TRAPPC9: variants seen among roughly 807,000 people sequenced by gnomAD.
The protein encoded by TRAPPC9 is IKK2 binding protein.
Under a neutral mutation model 124.0 loss-of-function variants are expected in TRAPPC9, and 83 were observed. That is an observed-to-expected ratio of 0.67 (90% confidence interval 0.56 to 0.80). The LOEUF is 0.80. Among genes scored for constraint, TRAPPC9 ranks in the 30% least tolerant of loss-of-function variants. The probability of loss-of-function intolerance (pLI) is 0.00; values close to 1 mark genes in which losing one functional copy is unlikely to be tolerated. For synonymous variants in TRAPPC9, 638 were observed against 617.5 expected (o/e 1.03, Z -0.49); for missense variants, 1,302 against 1,508.3 (o/e 0.86, Z 2.27).
chr8:139,941,649 C>G (rs1833929063), intron 19 of TRAPPC9, among the ~76,000 whole-genome samples: 1 of 152,234 alleles, frequency 6.6e-6, no homozygotes, highest in Non-Finnish European at 1.5e-5. Flanking sequence ...TCACAGGTAT[C>G]TACAACAGAC....
chr8:140,289,511 G>A (rs1316716737), intron 12 of TRAPPC9, among the ~76,000 whole-genome samples: 3 of 152,096 alleles, frequency 2.0e-5, no homozygotes, highest in Non-Finnish European at 2.9e-5. Context: ...ACTATTCCCT[G>A]TAACATTTCA....
chr8:140,125,379 C>A (rs534862217), intron 17 of TRAPPC9, among the ~76,000 whole-genome samples: 1 of 152,300 alleles, frequency 6.6e-6, no homozygotes, highest in South Asian at 2.1e-4. Context: ...GTCACTGACA[C>A]AGAGCAGGGG....
chr8:139,854,073 A>G (rs2130944747), intron 21 of TRAPPC9, among the ~76,000 whole-genome samples: 1 of 152,324 alleles, frequency 6.6e-6, no homozygotes, highest in East Asian at 1.9e-4. Context: ...AAACCAGGAA[A>G]ATTAACACAT....
At chr8:139,992,080 T>C (rs772485499) in intron 18 of TRAPPC9, among the ~76,000 whole-genome samples, 4 of 152,136 alleles carry the variant, frequency 2.6e-5, no homozygotes, top group African/African-American at 7.2e-5. Flanking sequence ...CTGAAAAAGA[T>C]TGTTGAATAA....
At chr8:140,288,785 A>G (rs2065562800) in intron 12 of TRAPPC9, among the ~76,000 whole-genome samples, 1 of 152,238 alleles carries the variant, frequency 6.6e-6, no homozygotes, top group Non-Finnish European at 1.5e-5. Flanking sequence ...ACCGTCAACT[A>G]CATTAGAATA....
At chr8:140,168,577 G>A (rs2130930581) in intron 17 of TRAPPC9, among the ~76,000 whole-genome samples, 2 of 152,288 alleles carry the variant, frequency 1.3e-5, no homozygotes, top group African/African-American at 4.8e-5. Context: ...CTGCTAGCAC[G>A]AGTTAGGAGG....
intron 10 of TRAPPC9, among the ~76,000 whole-genome samples, chr8:140,308,052 A>G (rs1053128716): frequency 9.2e-5 from 14 of 152,182 alleles, no homozygotes; most frequent in Admixed American, 2.0e-4. Flanking sequence ...TATAGAGGAC[A>G]TAATCCTTGA....
intron 19 of TRAPPC9, among the ~76,000 whole-genome samples, chr8:139,920,748 C>G (rs1396477832): frequency 6.6e-6 from 1 of 152,254 alleles, no homozygotes; most frequent in Non-Finnish European, 1.5e-5. Flanking sequence ...CAGCAACTGC[C>G]TAGGTGAAGG....
intron 18 of TRAPPC9, among the ~76,000 whole-genome samples, chr8:140,009,431 CATTT>C (rs1194092855): frequency 1.3e-5 from 2 of 152,210 alleles, no homozygotes; most frequent in African/African-American, 4.8e-5. Context: ...AAATATTTTA[CATTT>C]ATTTATACTT....
intron 17 of TRAPPC9, among the ~76,000 whole-genome samples, chr8:140,024,693 G>A (rs762898072): frequency 9.9e-5 from 15 of 151,922 alleles, no homozygotes; most frequent in East Asian, 1.9e-4. Context: ...GATGACAGGC[G>A]TGTGGGATGA....
intron 21 of TRAPPC9, among the ~76,000 whole-genome samples, chr8:139,884,665 G>GAT (rs1453678863): frequency 6.6e-6 from 1 of 152,218 alleles, no homozygotes. Flanking sequence ...GTCATCAGGA[G>GAT]ATAGATAGGA....
At chr8:139,741,744 T>C (rs947448033) in intron 21 of TRAPPC9, among the ~76,000 whole-genome samples, 1 of 152,046 alleles carries the variant, frequency 6.6e-6, no homozygotes, top group Non-Finnish European at 1.5e-5. Context: ...ATTTCCCTAC[T>C]CTGACTCACA....
rs2061069761 is a variant in TRAPPC9 at position 140,125,293 on chromosome 8, G to C, written c.2556+96166C>G. ...GTTGTTTCTGGGAAAGATCACTCTG[G>C]AAATAGGGGAGGCACCGAAAGGAGT... On this transcript the variant is annotated intron_variant, in intron 17 of 22. Transcript: ENST00000438773. Among the ~76,000 whole-genome samples the C allele has an allele frequency of 2.6e-5, 4 of 152,218 alleles. 1 individual carries two copies. Among genetic ancestry groups the C allele is most frequent in the Admixed American group, 2.6e-4 (4 of 15,280 alleles).
chr8:139,746,695 G>T (rs1173048801), intron 21 of TRAPPC9, among the ~76,000 whole-genome samples: 1 of 152,216 alleles, frequency 6.6e-6, no homozygotes, highest in Admixed American at 6.5e-5. Flanking sequence ...CCTGGAATTT[G>T]GGGCTGTTTG....
intron 21 of TRAPPC9, among the ~76,000 whole-genome samples, chr8:139,819,786 G>C (rs1825123355): frequency 6.6e-6 from 1 of 151,954 alleles, no homozygotes; most frequent in East Asian, 1.9e-4. Context: ...AGCCGAGATG[G>C]GTGGATCATG....
intron 2 of TRAPPC9, among the ~76,000 whole-genome samples, chr8:140,442,978 C>T (rs1282019763): frequency 6.9e-6 from 1 of 144,508 alleles, no homozygotes; most frequent in Admixed American, 7.0e-5. Flanking sequence ...ACTAAAAATA[C>T]AAGAATTAGC....
intron 19 of TRAPPC9, among the ~76,000 whole-genome samples, chr8:139,979,413 A>G (rs1318740481): frequency 2.6e-5 from 4 of 152,152 alleles, no homozygotes; most frequent in Non-Finnish European, 5.9e-5. Flanking sequence ...AGGTGGTGGG[A>G]AGGGCGGACA....
chr8:139,836,021 T>TA (rs1230203075), intron 21 of TRAPPC9, among the ~76,000 whole-genome samples: 56 of 150,568 alleles, frequency 3.7e-4, no homozygotes, highest in Non-Finnish European at 6.5e-4. Context: ...TTTATTTATT[T>TA]TTTTTGAGAC....
At chr8:140,220,721 A>C (rs989837064) in intron 17 of TRAPPC9, among the ~76,000 whole-genome samples, 1 of 152,210 alleles carries the variant, frequency 6.6e-6, no homozygotes, top group African/African-American at 2.4e-5. Flanking sequence ...TGGCCAAGCG[A>C]TTCTGATGTT....
Sources: gnomAD v4.1 joint callset for allele counts (sites outside exome capture counted in the v4.1 genomes callset) on GRCh38, gnomAD v4.1.1 for gene constraint, MANE v1.5 for transcripts, NCBI Gene and HGNC (gene_info 2026-07-23, HGNC 2026-07-21) for gene names.